The following SNTG2 variants were observed in gnomAD, a reference collection of about 807,000 sequenced individuals.
SNTG2 encodes the protein syntrophin gamma 2.
SNTG2 carries 74 observed loss-of-function variants against 70.9 expected under a neutral mutation model. The observed-to-expected ratio is 1.04, with a 90% confidence interval of 0.86 to 1.27. The LOEUF (loss-of-function observed/expected upper bound fraction) is 1.27. SNTG2 is among the 50% of genes most tolerant of loss of function. SNTG2 has a pLI of 0.00. For missense variants in SNTG2, 717 were observed against 690.7 expected (o/e 1.04, Z -0.43); for synonymous variants, 278 against 273.8 (o/e 1.02, Z -0.15).
chr2:1,205,210 A>G (rs1673557358), intron 8 of SNTG2, among the ~76,000 whole-genome samples: 1 of 152,210 alleles, frequency 6.6e-6, no homozygotes, highest in South Asian at 2.1e-4. Context: ...CTGGGATGAT[A>G]CACAGTTTAT....
intron 12 of SNTG2, among the ~76,000 whole-genome samples, chr2:1,251,162 T>C (rs1208427609): frequency 2.0e-5 from 3 of 152,322 alleles, no homozygotes; most frequent in African/African-American, 7.2e-5. Context: ...TAGCCCCAGA[T>C]AGATTTACCA....
chr2:1,011,361 C>A (rs528207628), intron 1 of SNTG2, among the ~76,000 whole-genome samples: 7 of 152,182 alleles, frequency 4.6e-5, no homozygotes, highest in Non-Finnish European at 1.0e-4. Context: ...TACATAAATA[C>A]AATTGACCAT....
intron 10 of SNTG2, among the ~76,000 whole-genome samples, chr2:1,238,294 CTCTT>C (rs1558580747): frequency 1.3e-5 from 2 of 152,150 alleles, no homozygotes; most frequent in African/African-American, 2.4e-5. Context: ...CCCTTCCTCT[CTCTT>C]TCTCTCCACA....
At chr2:1,277,757 G>A (rs566564046) in intron 14 of SNTG2, among the ~76,000 whole-genome samples, 3 of 152,280 alleles carry the variant, frequency 2.0e-5, no homozygotes, top group Admixed American at 6.5e-5. Flanking sequence ...TGACATGCAA[G>A]CTGGGCACCT....
intron 14 of SNTG2, among the ~76,000 whole-genome samples, chr2:1,285,750 A>C (rs1679738081): frequency 6.6e-6 from 1 of 151,670 alleles, no homozygotes; most frequent in Non-Finnish European, 1.5e-5. Flanking sequence ...CCCATTCTGT[A>C]CTCCTTTTGC....
intron 1 of SNTG2, among the ~76,000 whole-genome samples, chr2:1,074,595 G>A (rs968493339): frequency 1.3e-5 from 2 of 152,118 alleles, no homozygotes; most frequent in Non-Finnish European, 2.9e-5. Context: ...GTAATTCGTT[G>A]CATTTTACCT....
intron 8 of SNTG2, among the ~76,000 whole-genome samples, chr2:1,193,561 C>T (rs1023602010): frequency 1.6e-4 from 25 of 152,154 alleles, no homozygotes; most frequent in South Asian, 4.2e-4. Flanking sequence ...CAGTGATGCA[C>T]CTGCCACAGG....
chr2:1,085,653 C>G (rs549994337), intron 2 of SNTG2, among the ~76,000 whole-genome samples: 5 of 152,220 alleles, frequency 3.3e-5, no homozygotes, highest in Non-Finnish European at 7.3e-5. Context: ...AAATTCTGTC[C>G]GTGTATCCAG....
chr2:1,003,516 A>G (rs999146199), intron 1 of SNTG2, among the ~76,000 whole-genome samples: 14 of 152,214 alleles, frequency 9.2e-5, no homozygotes, highest in African/African-American at 2.7e-4. Context: ...ACTTCATTAC[A>G]TATGACATTA....
chr2:1,206,924 T>C (rs1673667430), intron 8 of SNTG2, among the ~76,000 whole-genome samples: 1 of 152,174 alleles, frequency 6.6e-6, no homozygotes, highest in South Asian at 2.1e-4. Flanking sequence ...TGCAAACAGA[T>C]AGCACACTGT....
intron 9 of SNTG2, among the ~76,000 whole-genome samples, chr2:1,222,487 AGTGGTGCAGTGATGGAGGGCGT>A (rs1675337758): frequency 7.8e-5 from 11 of 140,152 alleles, no homozygotes; most frequent in African/African-American, 2.3e-4. Context: ...TGTAGAGGAA[AGTGGTGCAGTGATGGAGGGCGT>A]CTCCCTGTCC....
chr2:1,165,573 A>AT lies in SNTG2; in HGVS notation c.438dup (p.Glu147Ter). On this transcript the variant is annotated frameshift_variant, in exon 7 of 17. Transcript: ENST00000308624. LOFTEE classifies it high-confidence loss of function. ...GTGCATCTGCTGAGAAATGCTGGCG[A>AT]TGAAGTTACCATCACCGTTGAGTAT... 1 of 1,612,358 alleles carries AT rather than the reference A, an allele frequency of 6.2e-7. No homozygotes were observed.
chr2:1,138,444 C>T (rs549391263), intron 6 of SNTG2, among the ~76,000 whole-genome samples: 8 of 152,298 alleles, frequency 5.3e-5, no homozygotes, highest in African/African-American at 1.9e-4. Flanking sequence ...AAGCCGAGTG[C>T]AGCCTCACCA....
At chr2:1,025,913 G>A (rs932778518) in intron 1 of SNTG2, among the ~76,000 whole-genome samples, 2 of 152,186 alleles carry the variant, frequency 1.3e-5, no homozygotes, top group East Asian at 1.9e-4. Flanking sequence ...CTGGTCAACC[G>A]CATTTGAGAG....
chr2:1,116,335 A>C (rs779831555), intron 4 of SNTG2, among the ~76,000 whole-genome samples: 31 of 152,204 alleles, frequency 2.0e-4, no homozygotes, highest in Admixed American at 6.5e-4. Flanking sequence ...GCTGCCAGGG[A>C]AGCAGGTGTG....
intron 10 of SNTG2, among the ~76,000 whole-genome samples, chr2:1,239,100 G>C (rs1374441137): frequency 6.6e-6 from 1 of 152,214 alleles, no homozygotes; most frequent in East Asian, 1.9e-4. Context: ...CAATAAATAG[G>C]GAAGAAAGGA....
At chr2:1,190,105 C>T (rs113012236) in intron 8 of SNTG2, among the ~76,000 whole-genome samples, 1,753 of 151,772 alleles carry the variant, frequency 0.012, 31 homozygotes, top group African/African-American at 0.041. Flanking sequence ...CTGTTAAACA[C>T]GATAGTAATG....
chr2:1,245,568 G>C (rs1193004450), intron 11 of SNTG2, among the ~76,000 whole-genome samples: 2 of 152,208 alleles, frequency 1.3e-5, no homozygotes, highest in African/African-American at 4.8e-5. Flanking sequence ...TTGAATTCAT[G>C]TTAATTATGG....
At position 1,309,066 on chromosome 2, in the gene SNTG2, T is replaced by C. The variant is rs535188164; in HGVS notation, c.1377+480T>C. Among the ~76,000 whole-genome samples the C allele has an allele frequency of 2.6e-5, 4 of 152,300 alleles. No homozygotes were observed. In the East Asian group the frequency reaches 7.7e-4, roughly 29 times the overall value. The stretch of plus-strand genomic sequence containing the variant: ...ACTACGTAAGTGTTAAGGAAATGCT[T>C]TGTGAGGACAATCCACTGTTTTGTC... On this transcript the variant is annotated intron_variant, in intron 15 of 16. Transcript: ENST00000308624.
Sources: allele counts gnomAD v4.1 joint callset (sites outside exome capture counted in the v4.1 genomes callset), GRCh38; gene constraint gnomAD v4.1.1; transcripts MANE v1.5; gene names NCBI Gene and HGNC (gene_info 2026-07-23, HGNC 2026-07-21).